The following LRRC4C variants were observed in gnomAD, a reference collection of about 807,000 sequenced individuals.
LRRC4C encodes leucine-rich repeat-containing protein 4C.
Under a neutral mutation model 33.6 loss-of-function variants are expected in LRRC4C, and 5 were observed. The ratio of observed to expected loss-of-function variants is 0.15; its 90% CI spans 0.08 to 0.31. The LOEUF (loss-of-function observed/expected upper bound fraction) is 0.31. Ranked by LOEUF, LRRC4C falls within the 10% of genes least tolerant of loss-of-function variation. The pLI, the probability that LRRC4C is intolerant of heterozygous loss-of-function variation, is 1.00. For missense variants in LRRC4C, 560 were observed against 796.7 expected, an observed-to-expected ratio of 0.70 and a Z score of 3.58; for synonymous variants, 329 against 302.0, an observed-to-expected ratio of 1.09 and a Z score of -0.93.
At position 41,114,664 on chromosome 11, in the gene LRRC4C, A is replaced by C. The variant is rs564574612; in HGVS notation, c.-495-180941T>G. Among the ~76,000 whole-genome samples the C allele has an allele frequency of 9.9e-5, 15 of 152,202 alleles. No homozygotes were observed. The South Asian group carries it at 2.3e-3, about 23-fold the overall frequency. On this transcript the variant is annotated intron_variant, in intron 1 of 6. Coordinates refer to ENST00000528697, the MANE Select transcript of LRRC4C (RefSeq NM_001258419.2). ...CAATCAAACAATATTAATTCACTGA[A>C]GCTGATTCAATAAGAATGTTTTTGC...
intron 3 of LRRC4C, among the ~76,000 whole-genome samples, chr11:40,373,221 T>C (rs1347501894): frequency 1.3e-5 from 2 of 152,130 alleles, no homozygotes; most frequent in Admixed American, 6.5e-5. Context: ...AAAGCATTTG[T>C]AAGGTAATAT....
At chr11:40,672,974 G>A (rs1207568568) in intron 2 of LRRC4C, among the ~76,000 whole-genome samples, 2 of 151,806 alleles carry the variant, frequency 1.3e-5, no homozygotes, top group African/African-American at 4.8e-5. Flanking sequence ...TAGGTGGAAA[G>A]ACTGTCCATG....
At chr11:41,284,638 C>A (rs1949767904) in intron 1 of LRRC4C, among the ~76,000 whole-genome samples, 1 of 152,158 alleles carries the variant, frequency 6.6e-6, no homozygotes, top group African/African-American at 2.4e-5. Context: ...CCACAGACAG[C>A]TGCATTTTTA....
chr11:41,442,562 T>C (rs1051873844), intron 1 of LRRC4C, among the ~76,000 whole-genome samples: 14 of 137,166 alleles, frequency 1.0e-4, no homozygotes, highest in South Asian at 2.5e-4. Flanking sequence ...CTCCGCCTCC[T>C]GGGTTCACGC....
At chr11:40,945,797 A>G (rs1407599660) in intron 1 of LRRC4C, among the ~76,000 whole-genome samples, 3 of 152,146 alleles carry the variant, frequency 2.0e-5, no homozygotes, top group Admixed American at 1.3e-4. Context: ...AAACAGTACA[A>G]ACCACACCAT....
rs117094194 is a variant in LRRC4C, at chr11:40,226,702, G to A, written c.-96+14817C>T. Among the ~76,000 whole-genome samples, 13 of 152,256 alleles carry A rather than the reference G, an allele frequency of 8.5e-5. No homozygotes were observed. In the East Asian group the frequency reaches 1.5e-3, roughly 18 times the overall value. On this transcript the variant is annotated intron_variant, in intron 5 of 6. Coordinates refer to ENST00000528697, the MANE Select transcript of LRRC4C (RefSeq NM_001258419.2). Reference sequence around the variant, plus strand: ...GTTTTGGCATCTGGTCCTAATAAGCGCTATGATCCTGAGAAAATCCATTTC... The same window carrying A: ...GTTTTGGCATCTGGTCCTAATAAGCACTATGATCCTGAGAAAATCCATTTC...
chr11:41,165,388 T>A (rs936392800), intron 1 of LRRC4C, among the ~76,000 whole-genome samples: 1 of 151,560 alleles, frequency 6.6e-6, no homozygotes, highest in Non-Finnish European at 1.5e-5. Context: ...TTTCACAGAG[T>A]TTTCTCTCAG....
intron 1 of LRRC4C, among the ~76,000 whole-genome samples, chr11:41,121,135 C>A (rs543398973): frequency 6.6e-6 from 1 of 152,218 alleles, no homozygotes; most frequent in Non-Finnish European, 1.5e-5. Flanking sequence ...CTGTTGGTTT[C>A]TTTTAACCAT....
chr11:40,878,541 G>A lies in LRRC4C; in HGVS notation c.-407+55094C>T, dbSNP rs80211108. 2.0e-3 allele frequency among the ~76,000 whole-genome samples: 298 copies of A among 152,182 alleles called. 1 individual carries two copies. The highest frequency in any genetic ancestry group is 6.4e-3 in the African/African-American group (264 of 41,518). The stretch of plus-strand genomic sequence containing the variant: ...GCACCTAAGAGAATTTAATGTCATC[G>A]CTTATCTGACATGAGGTGGAGCTCA... On this transcript the variant is annotated intron_variant, in intron 2 of 6. Transcript: ENST00000528697.
chr11:41,414,002 G>T (rs2138246971), intron 1 of LRRC4C, among the ~76,000 whole-genome samples: 1 of 152,286 alleles, frequency 6.6e-6, no homozygotes, highest in South Asian at 2.1e-4. Context: ...TTTGTAGTCA[G>T]ACACATCTGG....
chr11:40,373,238 G>A (rs1199915717), intron 3 of LRRC4C, among the ~76,000 whole-genome samples: 4 of 152,060 alleles, frequency 2.6e-5, no homozygotes, highest in Non-Finnish European at 5.9e-5. Context: ...ATATAGGAAG[G>A]TGTCTTCTTG....
chr11:41,344,618 G>A (rs1951746942), intron 1 of LRRC4C, among the ~76,000 whole-genome samples: 1 of 152,156 alleles, frequency 6.6e-6, no homozygotes, highest in Non-Finnish European at 1.5e-5. Flanking sequence ...ACAATAACAA[G>A]CATATTGTTC....
chr11:40,518,801 A>ATATGTT (rs149917073), intron 3 of LRRC4C, among the ~76,000 whole-genome samples: 85,518 of 150,998 alleles, frequency 0.57, 24,497 homozygotes, highest in East Asian at 0.81. Flanking sequence ...ACATGCACAC[A>ATATGTT]TATTGCGGCA....
At chr11:40,989,816 T>TTA (rs1322850425) in intron 1 of LRRC4C, among the ~76,000 whole-genome samples, 2 of 152,088 alleles carry the variant, frequency 1.3e-5, no homozygotes, top group Non-Finnish European at 2.9e-5. Context: ...CAGCCCTCCA[T>TTA]ATCCTTGCCT....
chr11:41,208,514 T>C (rs1946690605), intron 1 of LRRC4C, among the ~76,000 whole-genome samples: 1 of 152,172 alleles, frequency 6.6e-6, no homozygotes, highest in South Asian at 2.1e-4. Flanking sequence ...CCACAGAATT[T>C]AATCAGCTGT....
intron 1 of LRRC4C, among the ~76,000 whole-genome samples, chr11:41,198,009 T>C (rs942460099): frequency 6.6e-6 from 1 of 151,936 alleles, no homozygotes; most frequent in Non-Finnish European, 1.5e-5. Flanking sequence ...TATTCCATGA[T>C]TTTTTCTAAC....
At chr11:41,450,097 C>A (rs189174322) in intron 1 of LRRC4C, among the ~76,000 whole-genome samples, 1 of 152,106 alleles carries the variant, frequency 6.6e-6, no homozygotes, top group Non-Finnish European at 1.5e-5. Context: ...TTTTTGTCAA[C>A]TCTTCATGGT....
intron 3 of LRRC4C, among the ~76,000 whole-genome samples, chr11:40,399,415 C>T (rs1434036764): frequency 6.6e-6 from 1 of 151,924 alleles, no homozygotes; most frequent in South Asian, 2.1e-4. Flanking sequence ...TCATCATTCT[C>T]AGTAAACTAT....
At chr11:40,448,505 G>A (rs1433211412) in intron 3 of LRRC4C, among the ~76,000 whole-genome samples, 1 of 152,046 alleles carries the variant, frequency 6.6e-6, no homozygotes, top group Non-Finnish European at 1.5e-5. Flanking sequence ...GTGGTGTTTG[G>A]TTTTCTGTTC....
Sources: gnomAD v4.1 joint callset for allele counts (sites outside exome capture counted in the v4.1 genomes callset) on GRCh38, gnomAD v4.1.1 for gene constraint, MANE v1.5 for transcripts, NCBI Gene and HGNC (gene_info 2026-07-23, HGNC 2026-07-21) for gene names.